LRRC38: variants seen among roughly 807,000 people sequenced by gnomAD.
The protein encoded by LRRC38 is leucine-rich repeat-containing protein 38.
LRRC38 carries 5 observed loss-of-function variants against 16.4 expected under a neutral mutation model. That is an observed-to-expected ratio of 0.31 (90% CI 0.16 to 0.64). The LOEUF is 0.64. Among genes scored for constraint, LRRC38 ranks in the 30% least tolerant of loss-of-function variants. The pLI is 0.80. For synonymous variants in LRRC38, 191 were observed against 190.2 expected (o/e 1.00, Z -0.04); for missense variants, 341 against 401.8 (o/e 0.85, Z 1.29).
chr1:13,509,952 T>C (rs1639256348), intron 1 of LRRC38, among the ~76,000 whole-genome samples: 1 of 152,146 alleles, frequency 6.6e-6, no homozygotes, highest in South Asian at 2.1e-4. Context: ...CAGGCCCTCA[T>C]TCAGTCGTAG....
chr1:13,495,643 G>A (rs1639072475), intron 1 of LRRC38, among the ~76,000 whole-genome samples: 1 of 152,072 alleles, frequency 6.6e-6, no homozygotes. Context: ...ACCCTGGGCA[G>A]AAATCCCACC....
At chr1:13,512,636 A>G (rs1639286137) in intron 1 of LRRC38, among the ~76,000 whole-genome samples, 1 of 152,166 alleles carries the variant, frequency 6.6e-6, no homozygotes, top group South Asian at 2.1e-4. Flanking sequence ...CCAGGGACGC[A>G]TAAGTAATCC....
rs574429504 is a variant in LRRC38, at chr1:13,513,240, C to T, written c.354G>A (p.Gln118=). ...FLDLSYNNLT[Q]LGAGAFRSAG... is the part of the protein sequence containing the mutation. The stretch of plus-strand genomic sequence containing the variant: ...CCGAGCGGAAGGCGCCGGCGCCCAG[C>T]TGGGTCAAGTTGTTGTAGCTGAGGT... Residue 118 remains glutamine, a synonymous_variant, in exon 1 of 2, where the codon CAG becomes CAA. Transcript: ENST00000376085. 1,289 of 1,550,428 alleles carry T rather than the reference C, an allele frequency of 8.3e-4. 9 individuals are homozygous for T. In the African/African-American group the frequency reaches 0.016, roughly 19 times the overall value.
At chr1:13,499,840 C>T (rs184496596) in intron 1 of LRRC38, among the ~76,000 whole-genome samples, 59 of 152,254 alleles carry the variant, frequency 3.9e-4, no homozygotes, top group African/African-American at 1.3e-3. Context: ...GCACGCTTTC[C>T]GTATGTGTAT....
At chr1:13,500,057 C>T (rs1373243092) in intron 1 of LRRC38, among the ~76,000 whole-genome samples, 2 of 151,946 alleles carry the variant, frequency 1.3e-5, no homozygotes, top group African/African-American at 4.8e-5. Context: ...TGGAGATCAG[C>T]CTGGCCAGCA....
At chr1:13,478,955 T>C (rs1279840001) in intron 1 of LRRC38, among the ~76,000 whole-genome samples, 1 of 152,190 alleles carries the variant, frequency 6.6e-6, no homozygotes, top group Non-Finnish European at 1.5e-5. Context: ...AATCAGTGTC[T>C]GCTTTATATA....
At chr1:13,505,961 G>A (rs985989867) in intron 1 of LRRC38, among the ~76,000 whole-genome samples, 8 of 152,082 alleles carry the variant, frequency 5.3e-5, no homozygotes, top group African/African-American at 1.7e-4. Context: ...GAGGGAGCTC[G>A]GTTGATTCTA....
chr1:13,501,914 C>T (rs941662044), intron 1 of LRRC38, among the ~76,000 whole-genome samples: 3 of 151,674 alleles, frequency 2.0e-5, no homozygotes, highest in East Asian at 1.9e-4. Context: ...AGGCACCTGC[C>T]GCCACACCTG....
intron 1 of LRRC38, among the ~76,000 whole-genome samples, chr1:13,492,920 C>A (rs1005146659): frequency 1.3e-5 from 2 of 152,126 alleles, no homozygotes; most frequent in East Asian, 3.9e-4. Context: ...CCCCCTGACC[C>A]AGGCCTAACC....
intron 1 of LRRC38, among the ~76,000 whole-genome samples, chr1:13,507,955 C>T (rs938545620): frequency 3.3e-5 from 5 of 152,124 alleles, no homozygotes; most frequent in Non-Finnish European, 7.4e-5. Flanking sequence ...ATAGACTTGT[C>T]TGGGCTCAGT....
In LRRC38 at chr1:13,513,161, C is replaced by T. The variant is rs1338780037; in HGVS notation, c.433G>A (p.Glu145Lys). 6 of 1,550,530 alleles carry T rather than the reference C, an allele frequency of 3.9e-6. No individual in the cohort carries two copies. The highest frequency in any genetic ancestry group is 4.9e-5 in the East Asian group (2 of 40,896). ...LANNNLVGVH[E>K]DAFETLESLQ... Reference sequence around the variant, plus strand: ...GACTCCAGGGTCTCGAAGGCGTCCTCGTGCACGCCCACCAGGTTGTTGTTA... The same window carrying T: ...GACTCCAGGGTCTCGAAGGCGTCCTTGTGCACGCCCACCAGGTTGTTGTTA... Residue 145 changes from glutamate to lysine, a missense_variant, in exon 1 of 2, where the codon GAG becomes AAG. Transcript: ENST00000376085.
At chr1:13,506,330 C>T (rs538518307) in intron 1 of LRRC38, among the ~76,000 whole-genome samples, 1 of 152,348 alleles carries the variant, frequency 6.6e-6, no homozygotes, top group South Asian at 2.1e-4. Context: ...GAAAGGGATG[C>T]ACTCGGCTGG....
At chr1:13,512,884 C>T in intron 1 of LRRC38, 79 bp downstream of exon 1, 1 of 1,428,944 alleles carries the variant, frequency 7.0e-7, no homozygotes, top group East Asian at 2.5e-5. Context: ...CCCACGGCTC[C>T]TCCCACCCAG....
chr1:13,490,147 G>A (rs1303605632), intron 1 of LRRC38, among the ~76,000 whole-genome samples: 2 of 151,906 alleles, frequency 1.3e-5, no homozygotes, highest in African/African-American at 4.8e-5. Context: ...TGATCATAGT[G>A]TTTTTTTTGT....
At chr1:13,493,952 A>G (rs1211549415) in intron 1 of LRRC38, among the ~76,000 whole-genome samples, 1 of 152,146 alleles carries the variant, frequency 6.6e-6, no homozygotes, top group Non-Finnish European at 1.5e-5. Flanking sequence ...AATCTCAGCT[A>G]CTCGGGAAGC....
chr1:13,510,400 C>T (rs1466683002), intron 1 of LRRC38, among the ~76,000 whole-genome samples: 2 of 152,160 alleles, frequency 1.3e-5, no homozygotes, highest in East Asian at 1.9e-4. Flanking sequence ...AACAACAGCG[C>T]CAATTAAAAC....
chr1:13,491,329 T>G (rs895040258), intron 1 of LRRC38, among the ~76,000 whole-genome samples: 5 of 152,116 alleles, frequency 3.3e-5, no homozygotes, highest in African/African-American at 4.8e-5. Context: ...GTTCAAAATT[T>G]TTTATTTTTT....
rs898066702 is a variant in LRRC38, at chr1:13,475,706, C to A, written c.*140G>T. 1.8e-5 allele frequency: 20 copies of A among 1,106,354 alleles called. No homozygotes were observed. The East Asian group carries it at 5.2e-4, about 29-fold the overall frequency. 68.5% of individuals were successfully genotyped at this position (1,106,354 alleles called of 1,614,324 possible). ...GATCAGTGGTCCCAGCAGGTGTACC[C>A]AGGGGCCAAGACACGGAACAGGCTC... is the stretch of plus-strand genomic sequence containing the variant. On this transcript the variant is annotated 3_prime_UTR_variant, in exon 2 of 2. Coordinates refer to ENST00000376085, the MANE Select transcript of LRRC38 (RefSeq NM_001010847.2). This position sits in a 1 kb window ranked among gnomAD's most constrained non-coding sequence, Gnocchi z 4.3.
At chr1:13,479,707 T>C (rs1638828970) in intron 1 of LRRC38, among the ~76,000 whole-genome samples, 1 of 152,172 alleles carries the variant, frequency 6.6e-6, no homozygotes, top group Non-Finnish European at 1.5e-5. Context: ...TGAGCTTTCA[T>C]AGCTCACAAA....
Sources: allele counts gnomAD v4.1 joint callset (sites outside exome capture counted in the v4.1 genomes callset), GRCh38; gene constraint gnomAD v4.1.1; non-coding constraint Gnocchi (gnomAD v3.1); transcripts MANE v1.5; gene names NCBI Gene and HGNC (gene_info 2026-07-23, HGNC 2026-07-21).